DLG1: variants seen among roughly 807,000 people sequenced by gnomAD.
DLG1 encodes the protein discs large MAGUK scaffold protein 1.
A neutral mutation model predicts 123.4 loss-of-function variants in DLG1; 42 were observed. The ratio of observed to expected loss-of-function variants is 0.34; its 90% CI spans 0.27 to 0.44. The LOEUF (loss-of-function observed/expected upper bound fraction) is 0.44. Ranked by LOEUF, DLG1 falls within the 20% of genes least tolerant of loss-of-function variation. The pLI is 1.00. For synonymous variants in DLG1, 317 were observed against 356.2 expected (o/e 0.89, Z 1.24); for missense variants, 942 against 1,082.6 (o/e 0.87, Z 1.82).
chr3:197,140,207 C>T lies in DLG1; in HGVS notation c.646G>A (p.Asp216Asn). 6.2e-7 allele frequency: 1 copy of T among 1,613,764 alleles called. No individual in the cohort carries two copies. The highest frequency in any genetic ancestry group is 8.5e-7 in the Non-Finnish European group (1 of 1,179,790). Residue 216 changes from aspartate (D) to asparagine (N), a missense_variant, in exon 8 of 25, where the codon GAT (aspartate) becomes AAT (asparagine). Transcript: ENST00000667157. ...AGGTDNPHIG[D>N]DSSIFITKII... Reference sequence around the variant, plus strand: ...TTGGTAATGAAAATACTTGAGTCATCTCCAATGTGTGGGTTGTCCGTACCT... The same window carrying T: ...TTGGTAATGAAAATACTTGAGTCATTTCCAATGTGTGGGTTGTCCGTACCT...
intron 4 of DLG1, among the ~76,000 whole-genome samples, chr3:197,262,997 G>C (rs940010445): frequency 1.3e-5 from 2 of 151,832 alleles, no homozygotes; most frequent in African/African-American, 4.8e-5. Flanking sequence ...ATTATCATTT[G>C]CTCCCAACAT....
chr3:197,269,684 GC>G (rs1260505856), intron 4 of DLG1, among the ~76,000 whole-genome samples: 1 of 152,148 alleles, frequency 6.6e-6, no homozygotes, highest in African/African-American at 2.4e-5. Context: ...CACAGTATAA[GC>G]TCCACGTATT....
At chr3:197,157,055 A>G (rs1796716306) in intron 5 of DLG1, among the ~76,000 whole-genome samples, 1 of 152,208 alleles carries the variant, frequency 6.6e-6, no homozygotes, top group Non-Finnish European at 1.5e-5. Context: ...ACACACAGTG[A>G]ACATCATACT....
chr3:197,184,216 G>A, intron 5 of DLG1: 5 of 653,506 alleles, frequency 7.7e-6, no homozygotes, highest in Non-Finnish European at 9.6e-6. Context: ...AAGACCCTGT[G>A]GGGCTGCCTG....
intron 4 of DLG1, among the ~76,000 whole-genome samples, chr3:197,220,452 G>A (rs964866974): frequency 1.3e-5 from 2 of 152,060 alleles, no homozygotes; most frequent in African/African-American, 4.8e-5. Context: ...TAATGTACTA[G>A]ATTTTCAAAG....
chr3:197,295,242 G>A (rs1287841715), intron 3 of DLG1, among the ~76,000 whole-genome samples: 1 of 152,072 alleles, frequency 6.6e-6, no homozygotes, highest in Non-Finnish European at 1.5e-5. Context: ...AATTGTTCAG[G>A]TGCATCAAGT....
At chr3:197,199,675 C>G (rs1724590857) in intron 4 of DLG1, among the ~76,000 whole-genome samples, 1 of 152,140 alleles carries the variant, frequency 6.6e-6, no homozygotes, top group African/African-American at 2.4e-5. Context: ...TCAGGGCCAT[C>G]ATTACATTAC....
At chr3:197,278,944 A>T (rs534840903) in intron 4 of DLG1, among the ~76,000 whole-genome samples, 1 of 152,382 alleles carries the variant, frequency 6.6e-6, no homozygotes, top group South Asian at 2.1e-4. Context: ...ATATCCAAGA[A>T]TTAGTACACA....
chr3:197,142,121 T>C (rs1788359969), intron 7 of DLG1, among the ~76,000 whole-genome samples: 1 of 152,224 alleles, frequency 6.6e-6, no homozygotes, highest in South Asian at 2.1e-4. Context: ...GTTAGAAGTA[T>C]GGTTATTTTG....
chr3:197,149,230 C>G lies in DLG1; in HGVS notation c.537+513G>C, dbSNP rs532931122. Among the ~76,000 whole-genome samples the G allele has an allele frequency of 9.9e-5, 15 of 152,268 alleles. No individual in the cohort carries two copies. In the East Asian group the frequency reaches 1.3e-3, roughly 14 times the overall value. Reference sequence around the variant, plus strand: ...TCCCCATTCTGCCCTACACCCACCACCTGGCAACTGCTAATCTACTTTCAG... The same window carrying G: ...TCCCCATTCTGCCCTACACCCACCAGCTGGCAACTGCTAATCTACTTTCAG... On this transcript the variant is annotated intron_variant, in intron 6 of 24. Coordinates refer to ENST00000667157, the MANE Select transcript of DLG1 (RefSeq NM_001366207.1).
At chr3:197,155,767 C>CAAACA (rs1796143249) in intron 5 of DLG1, among the ~76,000 whole-genome samples, 1 of 152,040 alleles carries the variant, frequency 6.6e-6, no homozygotes, top group African/African-American at 2.4e-5. Flanking sequence ...CCCATCTCTA[C>CAAACA]AAACAAAACA....
intron 5 of DLG1, among the ~76,000 whole-genome samples, chr3:197,150,315 C>G (rs921099904): frequency 6.6e-6 from 1 of 151,980 alleles, no homozygotes; most frequent in African/African-American, 2.4e-5. Context: ...TTATTTTCAG[C>G]TGCAATGACT....
At chr3:197,147,943 G>C (rs973454804) in intron 6 of DLG1, among the ~76,000 whole-genome samples, 2 of 150,078 alleles carry the variant, frequency 1.3e-5, no homozygotes, top group African/African-American at 4.9e-5. Flanking sequence ...ACATGATCTT[G>C]TATATAGAAA....
chr3:197,250,574 A>G (rs1201263070), intron 4 of DLG1, among the ~76,000 whole-genome samples: 2 of 151,894 alleles, frequency 1.3e-5, no homozygotes, highest in African/African-American at 2.4e-5. Context: ...GTCTCAAAAA[A>G]AAAAAAAGAA....
chr3:197,182,964 T>C (rs1261222534), intron 5 of DLG1, among the ~76,000 whole-genome samples: 3 of 152,130 alleles, frequency 2.0e-5, no homozygotes, highest in Admixed American at 6.5e-5. Context: ...TGTGAAAAAA[T>C]ATTCCATGAC....
chr3:197,108,807 A>G (rs999861025), intron 13 of DLG1, among the ~76,000 whole-genome samples: 1 of 152,058 alleles, frequency 6.6e-6, no homozygotes, highest in Non-Finnish European at 1.5e-5. Flanking sequence ...CTGTTTTCTA[A>G]TCTACTTTAT....
At chr3:197,288,717 C>CT (rs1346845670) in intron 3 of DLG1, among the ~76,000 whole-genome samples, 2 of 47,976 alleles carry the variant, frequency 4.2e-5, no homozygotes, top group African/African-American at 2.6e-4. Context: ...GTGAAACTGT[C>CT]TCAAAAAAAA....
At chr3:197,070,955 G>T (rs1387047723) in intron 18 of DLG1, 1 of 151,956 alleles carries the variant, frequency 6.6e-6, no homozygotes, top group African/African-American at 2.4e-5. Flanking sequence ...TTTAAAATTG[G>T]TGTATAATAT....
intron 4 of DLG1, 23 bp downstream of exon 4, chr3:197,282,656 T>C: frequency 1.3e-6 from 2 of 1,486,346 alleles, no homozygotes; most frequent in Non-Finnish European, 1.8e-6. Context: ...AAAAACAGCT[T>C]CAGAACACAT....
Sources: allele counts gnomAD v4.1 joint callset (sites outside exome capture counted in the v4.1 genomes callset), GRCh38; gene constraint gnomAD v4.1.1; transcripts MANE v1.5; gene names NCBI Gene and HGNC (gene_info 2026-07-23, HGNC 2026-07-21).